PRR33: variants seen among roughly 807,000 people sequenced by gnomAD.
PRR33 encodes proline-rich protein 33.
In PRR33, 1 loss-of-function variant was observed where a neutral mutation model predicts 0.5. That is an observed-to-expected ratio of 2.18 (90% CI 0.77 to 10.34). The LOEUF is 10.34. Among genes scored for constraint, PRR33 ranks in the 30% most tolerant of loss-of-function variants. The pLI is 0.13. For synonymous variants in PRR33, 226 were observed against 110.0 expected, an observed-to-expected ratio of 2.06 and a Z score of -6.60; for missense variants, 552 against 251.8, an observed-to-expected ratio of 2.19 and a Z score of -8.07.
At chr11:1,917,182 G>A in the PRR33 span, among the ~76,000 whole-genome samples, 2 of 152,190 alleles carry the variant, frequency 1.3e-5, no homozygotes, top group African/African-American at 4.8e-5. Flanking sequence ...TGGGCCGAGC[G>A]GCCTCAGGCT....
chr11:1,905,459 G>A, the PRR33 span, among the ~76,000 whole-genome samples: 1 of 114,390 alleles, frequency 8.7e-6, no homozygotes, highest in Non-Finnish European at 1.7e-5. Flanking sequence ...TTTTTTCTGA[G>A]ACAGAGTGTC....
At chr11:1,906,502 G>C in the PRR33 span, among the ~76,000 whole-genome samples, 1 of 152,146 alleles carries the variant, frequency 6.6e-6, no homozygotes, top group Middle Eastern at 3.4e-3. Context: ...ACTTTAACTC[G>C]GGTGGGAGCT....
At chr11:1,900,747 T>C in the PRR33 span, among the ~76,000 whole-genome samples, 1 of 152,192 alleles carries the variant, frequency 6.6e-6, no homozygotes, top group Non-Finnish European at 1.5e-5. Flanking sequence ...CCCCATACAA[T>C]TTTGGAGCAT....
the PRR33 span, among the ~76,000 whole-genome samples, chr11:1,911,988 G>A: frequency 1.8e-5 from 2 of 111,560 alleles, no homozygotes; most frequent in Non-Finnish European, 3.4e-5. Flanking sequence ...TAGTGAGTGA[G>A]ACCCCATCTC....
At chr11:1,892,801 T>C (rs1849054780), upstream of PRR33, among the ~76,000 whole-genome samples, 1 of 150,994 alleles carries the variant, frequency 6.6e-6, no homozygotes, top group Non-Finnish European at 1.5e-5. Context: ...GATGGATGGG[T>C]AGGTGGGTGG....
upstream of PRR33, among the ~76,000 whole-genome samples, chr11:1,896,432 C>A (rs1337327903): frequency 1.3e-5 from 2 of 152,282 alleles, no homozygotes; most frequent in African/African-American, 4.8e-5. Context: ...TTTTTAATGT[C>A]AATATCTGAT....
the PRR33 span, among the ~76,000 whole-genome samples, chr11:1,910,963 CTA>C: frequency 6.6e-6 from 1 of 152,264 alleles, no homozygotes; most frequent in East Asian, 1.9e-4. Context: ...ATAGTGAAAA[CTA>C]ATTCTTGATC....
the PRR33 span, among the ~76,000 whole-genome samples, chr11:1,909,584 G>A: frequency 6.6e-6 from 1 of 152,090 alleles, no homozygotes; most frequent in African/African-American, 2.4e-5. Flanking sequence ...ACTCCAGCTC[G>A]GCGACAGAAC....
chr11:1,909,080 A>T, the PRR33 span, among the ~76,000 whole-genome samples: 1 of 152,206 alleles, frequency 6.6e-6, no homozygotes, highest in Admixed American at 6.5e-5. Context: ...CCCAGCCCCC[A>T]CTTAGCTTAA....
At chr11:1,890,820 G>A (rs911428646) in exon 1 of PRR33, 4 of 574,238 alleles carry the variant, frequency 7.0e-6, no homozygotes, top group South Asian at 6.6e-5. Flanking sequence ...CACAGAGGCC[G>A]AGTCCCTCCA....
chr11:1,916,526 C>T, the PRR33 span, among the ~76,000 whole-genome samples: 2 of 151,994 alleles, frequency 1.3e-5, no homozygotes, highest in African/African-American at 4.8e-5. Context: ...CCACCTGATC[C>T]GCTTGGGACG....
At chr11:1,893,577 AG>A (rs1467630541), upstream of PRR33, among the ~76,000 whole-genome samples, 1 of 95,934 alleles carries the variant, frequency 1.0e-5, no homozygotes, top group Non-Finnish European at 2.0e-5. Context: ...AGAGGGAGAG[AG>A]GGGGGATGGA....
the PRR33 span, among the ~76,000 whole-genome samples, chr11:1,917,544 C>T: frequency 6.6e-6 from 1 of 152,212 alleles, no homozygotes; most frequent in Non-Finnish European, 1.5e-5. Flanking sequence ...GTGCCCTGCC[C>T]CCACCCAGGT....
the PRR33 span, among the ~76,000 whole-genome samples, chr11:1,910,032 C>T: frequency 1.4e-5 from 2 of 143,684 alleles, no homozygotes; most frequent in East Asian, 7.4e-4. Context: ...TTGCTGTGTC[C>T]GGGACTTCGC....
the PRR33 span, among the ~76,000 whole-genome samples, chr11:1,903,428 GGGCCACCTTGCCA>G: frequency 1.3e-5 from 2 of 152,144 alleles, no homozygotes; most frequent in Non-Finnish European, 2.9e-5. Context: ...TTACAGGCAT[GGGCCACCTTGCCA>G]GGCCTCATTT....
exon 1 of PRR33, among the ~76,000 whole-genome samples, chr11:1,888,252 T>C (rs538899042): frequency 8.2e-4 from 125 of 152,310 alleles, no homozygotes; most frequent in African/African-American, 2.5e-3. Context: ...TCTCCTGTGG[T>C]TGGCCACCCC....
the PRR33 span, among the ~76,000 whole-genome samples, chr11:1,908,414 A>G: frequency 6.7e-6 from 1 of 149,340 alleles, no homozygotes; most frequent in Admixed American, 6.8e-5. Context: ...GTGAGAGTCA[A>G]ACTCCCTACC....
At chr11:1,908,795 T>A in the PRR33 span, among the ~76,000 whole-genome samples, 1 of 152,220 alleles carries the variant, frequency 6.6e-6, no homozygotes, top group African/African-American at 2.4e-5. Context: ...GGCATTGTCC[T>A]TCATTTCCAG....
the PRR33 span, among the ~76,000 whole-genome samples, chr11:1,912,599 T>C: frequency 1.3e-5 from 2 of 152,352 alleles, no homozygotes; most frequent in African/African-American, 4.8e-5. Context: ...ACATAAACCA[T>C]TTCTAAATTA....
Sources: allele counts gnomAD v4.1 joint callset (sites outside exome capture counted in the v4.1 genomes callset), GRCh38; gene constraint gnomAD v4.1.1; transcripts MANE v1.5; gene names NCBI Gene and HGNC (gene_info 2026-07-23, HGNC 2026-07-21).